Variants in MTMR3 observed in about 807,000 individuals in gnomAD.
MTMR3 encodes phosphatidylinositol-3,5-bisphosphate 3-phosphatase MTMR3.
MTMR3 carries 32 observed loss-of-function variants against 132.4 expected under a neutral mutation model. The observed-to-expected ratio is 0.24, with a 90% CI of 0.18 to 0.32. MTMR3 has a LOEUF of 0.32. Ranked by LOEUF, MTMR3 falls within the 10% of genes least tolerant of loss-of-function variation. MTMR3 has a pLI of 1.00. For missense variants in MTMR3, 1,216 were observed against 1,489.6 expected, an observed-to-expected ratio of 0.82 and a Z score of 3.02; for synonymous variants, 556 against 550.3, an observed-to-expected ratio of 1.01 and a Z score of -0.14.
chr22:29,895,477 T>G (rs943943548), intron 1 of MTMR3, among the ~76,000 whole-genome samples: 8 of 152,208 alleles, frequency 5.3e-5, no homozygotes, highest in Admixed American at 3.9e-4. Flanking sequence ...TGGAAGCATT[T>G]TCCCTGCAAA....
chr22:30,023,761 A>T (rs1222559629), intron 19 of MTMR3: 4 of 459,928 alleles, frequency 8.7e-6, no homozygotes, highest in African/African-American at 4.0e-5. Flanking sequence ...CTGGTCTTGT[A>T]GGGGAACCAG....
At chr22:30,009,707 A>G (rs2067363206) in intron 12 of MTMR3, 1 of 152,480 alleles carries the variant, frequency 6.6e-6, no homozygotes, top group African/African-American at 2.4e-5. Flanking sequence ...AAGGTGAACT[A>G]ATACCCCCTC....
chr22:30,021,946 A>G, intron 17 of MTMR3, 83 bp from the exon 18 acceptor site: 1 of 1,097,812 alleles, frequency 9.1e-7, no homozygotes, highest in Non-Finnish European at 1.4e-6. Flanking sequence ...CAGAGTCCTC[A>G]GTTCTCCCTT....
intron 1 of MTMR3, among the ~76,000 whole-genome samples, chr22:29,908,550 A>G (rs917306969): frequency 6.6e-6 from 1 of 152,244 alleles, no homozygotes; most frequent in Non-Finnish European, 1.5e-5. Context: ...TTTCATGGCT[A>G]TACGTTGTTC....
At chr22:29,900,827 C>T (rs1733107695) in intron 1 of MTMR3, among the ~76,000 whole-genome samples, 1 of 152,104 alleles carries the variant, frequency 6.6e-6, no homozygotes, top group African/African-American at 2.4e-5. Flanking sequence ...CATACTCCTG[C>T]CTCATCCCCC....
At chr22:29,885,899 T>TAGG in intron 1 of MTMR3, among the ~76,000 whole-genome samples, 1 of 152,274 alleles carries the variant, frequency 6.6e-6, no homozygotes, top group East Asian at 1.9e-4. Flanking sequence ...TCTTACAAGT[T>TAGG]TGGAAGAGGT....
intron 18 of MTMR3, 131 bp downstream of exon 18, chr22:30,022,270 C>T (rs767894605): frequency 1.7e-5 from 12 of 701,272 alleles, no homozygotes; most frequent in Admixed American, 2.5e-5. Flanking sequence ...GCCTCTGGCA[C>T]CTTAGCTCCT....
At chr22:29,957,828 AC>A (rs1198293589) in intron 2 of MTMR3, among the ~76,000 whole-genome samples, 2 of 152,176 alleles carry the variant, frequency 1.3e-5, no homozygotes, top group East Asian at 1.9e-4. Flanking sequence ...GTCCAAAAGT[AC>A]TAAAATATCA....
intron 1 of MTMR3, among the ~76,000 whole-genome samples, chr22:29,917,639 T>G (rs1333752667): frequency 6.6e-6 from 1 of 152,250 alleles, no homozygotes; most frequent in Non-Finnish European, 1.5e-5. Context: ...TAGGTTTATT[T>G]CACTGGAACA....
In MTMR3 at chr22:30,028,860, C is replaced by T. The variant is rs1357273374; in HGVS notation, c.*3059C>T. On this transcript the variant is annotated 3_prime_UTR_variant, in exon 20 of 20. Coordinates refer to ENST00000401950, the MANE Select transcript of MTMR3 (RefSeq NM_021090.4). ...AGGAGAATGTGCCATCTCAGCTACC[C>T]TCAGTCCGCCAGGCAGCCCAGTCTG... The T allele has an allele frequency of 2.0e-5, 3 of 152,392 alleles. No homozygotes were observed. The highest frequency in any genetic ancestry group is 1.3e-4 in the Admixed American group (2 of 15,288). The allele number at this position is 152,392 out of a possible 1,614,324, so 9.4% of individuals were successfully genotyped here.
intron 14 of MTMR3, chr22:30,013,956 C>G (rs2067501877): frequency 6.3e-6 from 1 of 159,514 alleles, no homozygotes; most frequent in Non-Finnish European, 1.4e-5. Flanking sequence ...TGTATACCAG[C>G]TCTCATCTCC....
At chr22:29,892,732 G>A (rs1317373316) in intron 1 of MTMR3, among the ~76,000 whole-genome samples, 2 of 152,156 alleles carry the variant, frequency 1.3e-5, no homozygotes, top group Admixed American at 1.3e-4. Context: ...TAAAATCTTA[G>A]AGACTGTGAA....
Position 29,883,280 on chromosome 22 carries a change from G to A in MTMR3, c.-217G>A. ...CCCAGCGGCTCAGGCGCTGCCCAGC[G>A]CCGGCCCTGGCAGGGAGCCTGGTGG... On this transcript the variant is annotated 5_prime_UTR_variant, in exon 1 of 20. Transcript: ENST00000401950. The A allele has an allele frequency of 6.5e-6, 1 of 154,250 alleles. No individual in the cohort carries two copies. Among genetic ancestry groups the A allele is most frequent in the Non-Finnish European group, 1.4e-5 (1 of 69,292 alleles). 9.6% of individuals were successfully genotyped at this position (154,250 alleles called of 1,614,324 possible).
chr22:29,963,719 C>G (rs111498577), intron 2 of MTMR3, among the ~76,000 whole-genome samples: 1 of 151,938 alleles, frequency 6.6e-6, no homozygotes, highest in Non-Finnish European at 1.5e-5. Flanking sequence ...AATAATTTGC[C>G]ATTGTTTAGA....
At chr22:29,918,430 T>G (rs557469352) in intron 1 of MTMR3, among the ~76,000 whole-genome samples, 29 of 152,374 alleles carry the variant, frequency 1.9e-4, no homozygotes, top group Non-Finnish European at 3.5e-4. Flanking sequence ...GTAGTAGCTC[T>G]CTGAAGCATT....
intron 1 of MTMR3, among the ~76,000 whole-genome samples, chr22:29,940,882 C>A (rs2065844261): frequency 6.7e-6 from 1 of 149,852 alleles, no homozygotes; most frequent in Admixed American, 6.6e-5. Context: ...ATAAGAGAGA[C>A]CAGGAGTTCA....
intron 1 of MTMR3, among the ~76,000 whole-genome samples, chr22:29,926,480 A>C (rs537753159): frequency 6.6e-6 from 1 of 152,282 alleles, no homozygotes; most frequent in Admixed American, 6.5e-5. Context: ...CCCACAGTGG[A>C]GCTATACCAT....
chr22:29,936,569 TAAAG>T (rs145283216), intron 1 of MTMR3, among the ~76,000 whole-genome samples: 3,633 of 152,204 alleles, frequency 0.024, 143 homozygotes, highest in African/African-American at 0.083. Flanking sequence ...AATGCTGAAA[TAAAG>T]AAACTCTAAG....
At chr22:29,990,308 A>G (rs2066936859) in intron 6 of MTMR3, 1 of 152,172 alleles carries the variant, frequency 6.6e-6, no homozygotes, top group South Asian at 2.1e-4. Flanking sequence ...AAATTCCACA[A>G]GTTTTTACTG....
Sources: gnomAD v4.1 joint callset for allele counts (sites outside exome capture counted in the v4.1 genomes callset) on GRCh38, gnomAD v4.1.1 for gene constraint, MANE v1.5 for transcripts, NCBI Gene and HGNC (gene_info 2026-07-23, HGNC 2026-07-21) for gene names.